Variants in ATP10B observed in about 807,000 individuals in gnomAD.
ATP10B encodes the protein ATPase phospholipid transporting 10B (putative), also known as phospholipid-transporting ATPase VB.
Under a neutral mutation model 141.2 loss-of-function variants are expected in ATP10B, and 122 were observed. That is an observed-to-expected ratio of 0.86 (90% CI 0.75 to 1.00). The LOEUF (loss-of-function observed/expected upper bound fraction) is 1.00. Among genes scored for constraint, ATP10B ranks in the 50% least tolerant of loss-of-function variants. The pLI is 0.00. For missense variants in ATP10B, 1,876 were observed against 1,825.3 expected (o/e 1.03, Z -0.51); for synonymous variants, 685 against 692.0 (o/e 0.99, Z 0.16).
chr5:160,709,558 G>C (rs1226014895), intron 3 of ATP10B, among the ~76,000 whole-genome samples: 2 of 151,436 alleles, frequency 1.3e-5, no homozygotes, highest in African/African-American at 4.9e-5. Flanking sequence ...TTGAGATTTG[G>C]CAAAGATGAG....
chr5:160,703,541 A>C (rs529819965), intron 3 of ATP10B, among the ~76,000 whole-genome samples: 1 of 151,214 alleles, frequency 6.6e-6, no homozygotes, highest in Admixed American at 6.6e-5. Context: ...GCATGGTGCG[A>C]TCTTGGCTCA....
intron 2 of ATP10B, among the ~76,000 whole-genome samples, chr5:160,734,032 C>G (rs189643671): frequency 6.9e-6 from 1 of 144,884 alleles, no homozygotes; most frequent in African/African-American, 2.6e-5. Flanking sequence ...CACTTGAACC[C>G]GGGAGGTGGA....
At chr5:160,728,835 T>C (rs1198785221) in intron 2 of ATP10B, among the ~76,000 whole-genome samples, 1 of 152,230 alleles carries the variant, frequency 6.6e-6, no homozygotes, top group African/African-American at 2.4e-5. Flanking sequence ...TTTTCATCTC[T>C]TTTTGTTTGA....
intron 18 of ATP10B, chr5:160,611,740 C>T (rs1757731570): frequency 6.6e-6 from 1 of 152,194 alleles, no homozygotes; most frequent in African/African-American, 2.4e-5. Flanking sequence ...GTCCGGTGTC[C>T]TCTCTCCCTC....
the ATP10B span, among the ~76,000 whole-genome samples, chr5:160,888,668 T>G: frequency 6.6e-6 from 1 of 152,210 alleles, no homozygotes; most frequent in Non-Finnish European, 1.5e-5. Context: ...TGTTCCCTTC[T>G]GCAATTGGCT....
intron 1 of ATP10B, among the ~76,000 whole-genome samples, chr5:160,833,288 T>A (rs893476429): frequency 2.6e-5 from 4 of 152,190 alleles, no homozygotes; most frequent in African/African-American, 4.8e-5. Context: ...CTTGAAACTA[T>A]CACTAATAAT....
the ATP10B span, among the ~76,000 whole-genome samples, chr5:160,912,376 A>G: frequency 6.8e-6 from 1 of 146,956 alleles, no homozygotes; most frequent in African/African-American, 2.5e-5. Context: ...CAGGAGTTTG[A>G]GACCAGCCTG....
intron 22 of ATP10B, among the ~76,000 whole-genome samples, chr5:160,596,750 C>A (rs1000523258): frequency 2.0e-5 from 3 of 152,096 alleles, no homozygotes; most frequent in East Asian, 1.9e-4. Flanking sequence ...ACACCAATAA[C>A]AGACAAACAG....
At chr5:160,763,060 G>A (rs12652054) in intron 2 of ATP10B, among the ~76,000 whole-genome samples, 47,654 of 151,720 alleles carry the variant, frequency 0.31, 7,808 homozygotes, top group Non-Finnish European at 0.36. Flanking sequence ...ACCCAAATTT[G>A]TAAAACAACT....
intron 1 of ATP10B, among the ~76,000 whole-genome samples, chr5:160,816,196 A>ACCC (rs55930730): frequency 1.1e-4 from 14 of 129,430 alleles, no homozygotes; most frequent in Admixed American, 1.5e-4. Context: ...GACATAAAAA[A>ACCC]TGAATGAATC....
chr5:160,787,564 T>G (rs914440797), intron 1 of ATP10B, among the ~76,000 whole-genome samples: 1 of 152,186 alleles, frequency 6.6e-6, no homozygotes, highest in African/African-American at 2.4e-5. Context: ...CTCTTATCCT[T>G]GTTAAATCTT....
At chr5:160,786,713 T>C (rs1403887930) in intron 1 of ATP10B, among the ~76,000 whole-genome samples, 1 of 152,162 alleles carries the variant, frequency 6.6e-6, no homozygotes, top group East Asian at 1.9e-4. Flanking sequence ...CCAAGGGAGA[T>C]AATCTATATT....
chr5:160,810,782 G>A (rs1404899212), intron 1 of ATP10B, among the ~76,000 whole-genome samples: 2 of 152,138 alleles, frequency 1.3e-5, no homozygotes, highest in Admixed American at 6.5e-5. Context: ...TTTTATCAGA[G>A]TTGTAAGCCT....
intron 1 of ATP10B, among the ~76,000 whole-genome samples, chr5:160,839,100 C>A (rs1775656688): frequency 6.6e-6 from 1 of 152,102 alleles, no homozygotes; most frequent in African/African-American, 2.4e-5. Context: ...AACCATACAT[C>A]AATTAACCCT....
chr5:160,573,450 G>A (rs570098254), intron 24 of ATP10B, among the ~76,000 whole-genome samples: 1 of 152,340 alleles, frequency 6.6e-6, no homozygotes, highest in East Asian at 1.9e-4. Flanking sequence ...CTTTAAAGAA[G>A]AGGGGTCCCC....
At chr5:160,678,162 G>C (rs1354965699) in intron 6 of ATP10B, among the ~76,000 whole-genome samples, 3 of 152,182 alleles carry the variant, frequency 2.0e-5, no homozygotes, top group African/African-American at 4.8e-5. Flanking sequence ...AAAAATGAGA[G>C]CGCAAAGCAT....
chr5:160,735,196 T>C (rs1197564830), intron 2 of ATP10B, among the ~76,000 whole-genome samples: 3 of 148,936 alleles, frequency 2.0e-5, no homozygotes, highest in Non-Finnish European at 4.5e-5. Context: ...AAATCTCTAA[T>C]CAAAAAACAT....
At position 160,565,603 on chromosome 5, in the gene ATP10B, T is replaced by C. The variant is rs1218177158; in HGVS notation, c.4236A>G (p.Ser1412=). The change falls in exon 26 of 26, where the codon TCA becomes TCG. Residue 1412 remains serine, a synonymous_variant. Transcript: ENST00000327245. ...GTTGAGCTGAGGAGTCCCCTGAGCA[T>C]GAGTCATCCCTCATGCACTCCGTGC... ...RCGTECMRDD[S]CSGDSSAQLS... The C allele has an allele frequency of 6.2e-7, 1 of 1,614,138 alleles. No homozygotes were observed. The highest frequency in any genetic ancestry group is 1.7e-5 in the Admixed American group (1 of 60,032).
intron 21 of ATP10B, among the ~76,000 whole-genome samples, chr5:160,599,786 G>A (rs181290451): frequency 5.3e-5 from 8 of 152,236 alleles, no homozygotes; most frequent in Admixed American, 5.2e-4. Flanking sequence ...CACTGTTATT[G>A]TCTACCATAT....
Sources: allele counts gnomAD v4.1 joint callset (sites outside exome capture counted in the v4.1 genomes callset), GRCh38; gene constraint gnomAD v4.1.1; transcripts MANE v1.5; gene names NCBI Gene and HGNC (gene_info 2026-07-23, HGNC 2026-07-21).